Variants in EYS observed in about 807,000 individuals in gnomAD.
EYS encodes protein eyes shut homolog.
Under a neutral mutation model 282.1 loss-of-function variants are expected in EYS, and 250 were observed. That is an observed-to-expected ratio of 0.89 (90% CI 0.80 to 0.98). The LOEUF (loss-of-function observed/expected upper bound fraction) is 0.98. EYS is among the 50% of genes least tolerant of loss of function. The probability of loss-of-function intolerance (pLI) is 0.00; values close to 1 mark genes in which losing one functional copy is unlikely to be tolerated. For missense variants in EYS, 4,016 were observed against 3,709.0 expected (o/e 1.08, Z -2.15); for synonymous variants, 1,355 against 1,282.9 (o/e 1.06, Z -1.20).
intron 28 of EYS, among the ~76,000 whole-genome samples, chr6:64,394,239 T>A (rs1773275015): frequency 6.6e-6 from 1 of 152,162 alleles, no homozygotes; most frequent in Admixed American, 6.5e-5. Flanking sequence ...GCCATCCCCA[T>A]CAAGCTACCA....
chr6:64,217,338 G>A (rs1765962484), intron 31 of EYS, among the ~76,000 whole-genome samples: 1 of 152,086 alleles, frequency 6.6e-6, no homozygotes, highest in African/African-American at 2.4e-5. Flanking sequence ...AGACCAGCCG[G>A]GTCAACATGG....
intron 1 of EYS, among the ~76,000 whole-genome samples, chr6:65,662,811 G>A (rs1768052788): frequency 6.6e-6 from 1 of 152,088 alleles, no homozygotes; most frequent in Non-Finnish European, 1.5e-5. Context: ...AAAAGGGAAG[G>A]TGGAAGAAAA....
intron 19 of EYS, among the ~76,000 whole-genome samples, chr6:64,841,684 C>T (rs192731379): frequency 1.4e-3 from 220 of 152,226 alleles, no homozygotes; most frequent in African/African-American, 2.2e-3. Flanking sequence ...CAATGGCCAA[C>T]TGTAAAATGT....
chr6:63,876,671 A>G (rs1356110078), intron 35 of EYS, among the ~76,000 whole-genome samples: 2 of 151,812 alleles, frequency 1.3e-5, no homozygotes, highest in Admixed American at 6.6e-5. Context: ...GGGTGCATAT[A>G]TTAGGATAGT....
intron 29 of EYS, among the ~76,000 whole-genome samples, chr6:64,359,709 C>T (rs1771942865): frequency 6.6e-6 from 1 of 151,624 alleles, no homozygotes; most frequent in Non-Finnish European, 1.5e-5. Flanking sequence ...CTCACTGTGT[C>T]CTCAAATGGT....
chr6:64,814,316 T>C (rs1764683687), intron 21 of EYS, among the ~76,000 whole-genome samples: 1 of 152,096 alleles, frequency 6.6e-6, no homozygotes, highest in Admixed American at 6.6e-5. Context: ...TTATTTATTG[T>C]AACTACATGG....
chr6:63,812,801 G>A (rs1771081694), intron 36 of EYS, among the ~76,000 whole-genome samples: 1 of 151,988 alleles, frequency 6.6e-6, no homozygotes, highest in African/African-American at 2.4e-5. Flanking sequence ...TATCACCAAT[G>A]CTAATCATTG....
At chr6:64,990,869 T>G (rs1380780519) in intron 14 of EYS, among the ~76,000 whole-genome samples, 1 of 151,580 alleles carries the variant, frequency 6.6e-6, no homozygotes, top group African/African-American at 2.4e-5. Context: ...TCAACAAGTC[T>G]TTTTCTCAGG....
At chr6:65,301,273 A>G (rs1768814583) in intron 11 of EYS, among the ~76,000 whole-genome samples, 1 of 152,214 alleles carries the variant, frequency 6.6e-6, no homozygotes, top group Admixed American at 6.5e-5. Flanking sequence ...AGGCGGGCAG[A>G]TCACGAGGTC....
At chr6:65,175,311 C>G (rs568931425) in intron 12 of EYS, among the ~76,000 whole-genome samples, 1 of 151,370 alleles carries the variant, frequency 6.6e-6, no homozygotes, top group South Asian at 2.1e-4. Flanking sequence ...AAGGCAAGCA[C>G]AGGAGATGTG....
At chr6:65,011,945 C>T (rs191105150) in intron 13 of EYS, among the ~76,000 whole-genome samples, 152 of 152,280 alleles carry the variant, frequency 1.0e-3, no homozygotes, top group African/African-American at 3.6e-3. Flanking sequence ...TCTGTTTTCA[C>T]TCTATTAAAT....
chr6:65,328,886 T>C (rs1769698707), intron 11 of EYS, among the ~76,000 whole-genome samples: 1 of 151,262 alleles, frequency 6.6e-6, no homozygotes, highest in African/African-American at 2.4e-5. Context: ...TACTGTTGCA[T>C]TAATATGGTC....
chr6:63,774,673 A>G (rs1430871862), intron 40 of EYS, among the ~76,000 whole-genome samples: 7 of 152,224 alleles, frequency 4.6e-5, no homozygotes, highest in Admixed American at 4.6e-4. Flanking sequence ...TCCACAATGT[A>G]TATATATTTT....
chr6:64,953,511 T>C (rs1263987376), intron 14 of EYS, among the ~76,000 whole-genome samples: 1 of 151,892 alleles, frequency 6.6e-6, no homozygotes, highest in Non-Finnish European at 1.5e-5. Flanking sequence ...GAGTTGGCTA[T>C]AGACACAAAG....
At chr6:64,693,907 T>G (rs1770487112) in intron 22 of EYS, among the ~76,000 whole-genome samples, 1 of 152,190 alleles carries the variant, frequency 6.6e-6, no homozygotes, top group South Asian at 2.1e-4. Flanking sequence ...CACATATATG[T>G]ATTACATTTA....
At chr6:64,848,672 G>T in intron 19 of EYS, among the ~76,000 whole-genome samples, 1 of 152,212 alleles carries the variant, frequency 6.6e-6, no homozygotes, top group South Asian at 2.1e-4. Flanking sequence ...CTGAACAAGC[G>T]AATGCAGCTG....
chr6:64,051,800 G>A (rs1374600819), intron 33 of EYS, among the ~76,000 whole-genome samples: 64 of 152,196 alleles, frequency 4.2e-4, no homozygotes, highest in East Asian at 5.8e-4. Context: ...CTGGCATAAT[G>A]AACAAACAAC....
At chr6:64,481,716 G>A (rs1014655399) in intron 26 of EYS, among the ~76,000 whole-genome samples, 3 of 151,268 alleles carry the variant, frequency 2.0e-5, no homozygotes, top group South Asian at 2.1e-4. Flanking sequence ...AAAGAATCTC[G>A]GTGTTACATA....
intron 15 of EYS, among the ~76,000 whole-genome samples, chr6:64,933,217 A>C (rs1388127861): frequency 6.6e-6 from 1 of 152,030 alleles, no homozygotes; most frequent in Non-Finnish European, 1.5e-5. Flanking sequence ...TAAAGGAAGC[A>C]ATTATTAAAA....
Sources: allele counts gnomAD v4.1 joint callset (sites outside exome capture counted in the v4.1 genomes callset), GRCh38; gene constraint gnomAD v4.1.1; transcripts MANE v1.5; gene names NCBI Gene and HGNC (gene_info 2026-07-23, HGNC 2026-07-21).